The following PAPPA2 variants were observed in gnomAD, a reference collection of about 807,000 sequenced individuals.
The protein encoded by PAPPA2 is pappalysin 2, also known as pappalysin-2.
In PAPPA2, 86 loss-of-function variants were observed where a neutral mutation model predicts 176.4. The ratio of observed to expected loss-of-function variants is 0.49; its 90% confidence interval spans 0.41 to 0.58. The LOEUF (loss-of-function observed/expected upper bound fraction) is 0.58, where lower values mean the gene tolerates loss of function less well. PAPPA2 is among the 20% of genes least tolerant of loss of function. The pLI is 0.00. For missense variants in PAPPA2, 2,073 were observed against 2,256.9 expected, an observed-to-expected ratio of 0.92 and a Z score of 1.65; for synonymous variants, 809 against 852.2, an observed-to-expected ratio of 0.95 and a Z score of 0.88.
intron 21 of PAPPA2, among the ~76,000 whole-genome samples, chr1:176,825,945 G>T (rs1476978514): frequency 1.3e-5 from 2 of 152,156 alleles, no homozygotes; most frequent in African/African-American, 2.4e-5. Context: ...GACAACTGGG[G>T]ATTGTTCAGT....
intron 1 of PAPPA2, among the ~76,000 whole-genome samples, chr1:176,465,671 G>A (rs1181496696): frequency 2.0e-5 from 3 of 147,960 alleles, no homozygotes; most frequent in Non-Finnish European, 4.5e-5. Flanking sequence ...AAGTTCAGGA[G>A]TACATGTGCA....
At chr1:176,720,392 A>T (rs775729133) in intron 12 of PAPPA2, among the ~76,000 whole-genome samples, 1 of 152,160 alleles carries the variant, frequency 6.6e-6, no homozygotes, top group Admixed American at 6.5e-5. Context: ...CATATTATAT[A>T]TATATGTGCA....
chr1:176,563,871 G>C (rs1483787816), intron 2 of PAPPA2, among the ~76,000 whole-genome samples: 1 of 152,176 alleles, frequency 6.6e-6, no homozygotes, highest in Non-Finnish European at 1.5e-5. Flanking sequence ...AGGCAGACCA[G>C]TTCCTGAGAG....
chr1:176,758,287 A>G, intron 14 of PAPPA2, among the ~76,000 whole-genome samples: 1 of 152,236 alleles, frequency 6.6e-6, no homozygotes, highest in East Asian at 1.9e-4. Context: ...TATATTTAAC[A>G]TTTAACCTGG....
At chr1:176,773,221 G>A (rs906447744) in intron 17 of PAPPA2, among the ~76,000 whole-genome samples, 1 of 152,158 alleles carries the variant, frequency 6.6e-6, no homozygotes, top group Non-Finnish European at 1.5e-5. Context: ...TATGTAAGCT[G>A]ATTAAATCTT....
intron 14 of PAPPA2, among the ~76,000 whole-genome samples, chr1:176,750,660 C>A (rs145569085): frequency 1.8e-4 from 27 of 151,946 alleles, no homozygotes; most frequent in African/African-American, 6.5e-4. Flanking sequence ...ACAATTAGCA[C>A]GTATTTGATA....
At chr1:176,810,892 A>G (rs1557886233) in intron 21 of PAPPA2, among the ~76,000 whole-genome samples, 2 of 152,186 alleles carry the variant, frequency 1.3e-5, no homozygotes, top group South Asian at 4.1e-4. Flanking sequence ...GACTTGAAGA[A>G]TACATCAACA....
At chr1:176,611,444 G>A (rs1303899632) in intron 3 of PAPPA2, among the ~76,000 whole-genome samples, 1 of 152,144 alleles carries the variant, frequency 6.6e-6, no homozygotes, top group Non-Finnish European at 1.5e-5. Flanking sequence ...TTAAATGCTT[G>A]TAATTATATG....
rs147057247 is a variant in PAPPA2, at chr1:176,709,217, C to A, written c.3458-766C>A. Among the ~76,000 whole-genome samples the A allele has an allele frequency of 8.1e-3, 1,228 of 152,214 alleles. 10 individuals are homozygous for A. Among genetic ancestry groups the A allele is most frequent in the Non-Finnish European group, 0.014 (945 of 67,998 alleles). On this transcript the variant is annotated intron_variant, in intron 10 of 22. Coordinates refer to ENST00000367662, the MANE Select transcript of PAPPA2 (RefSeq NM_020318.3). ...TTGCTTTTGAAGACAGCCCCTCTGT[C>A]TTAGTTTGAGGCAGTGTTCAGTGAG...
At chr1:176,806,465 A>G (rs1665912908) in intron 21 of PAPPA2, among the ~76,000 whole-genome samples, 1 of 152,212 alleles carries the variant, frequency 6.6e-6, no homozygotes, top group Admixed American at 6.5e-5. Context: ...GCATAGTGGA[A>G]GTAAAGTAGG....
intron 17 of PAPPA2, among the ~76,000 whole-genome samples, chr1:176,778,621 C>T (rs959149462): frequency 6.6e-6 from 1 of 152,110 alleles, no homozygotes; most frequent in Non-Finnish European, 1.5e-5. Context: ...AAGTAATCTA[C>T]CTAATTGTTA....
intron 2 of PAPPA2, among the ~76,000 whole-genome samples, chr1:176,563,737 T>G (rs1651798941): frequency 6.6e-6 from 1 of 152,188 alleles, no homozygotes; most frequent in Non-Finnish European, 1.5e-5. Flanking sequence ...TGGCAGCAGG[T>G]GCAATGTAAG....
intron 21 of PAPPA2, among the ~76,000 whole-genome samples, chr1:176,822,529 A>T (rs1180107145): frequency 1.3e-5 from 2 of 152,182 alleles, no homozygotes; most frequent in Non-Finnish European, 2.9e-5. Flanking sequence ...AGCTATACTC[A>T]CAAGTCTTTT....
Position 176,710,122 on chromosome 1 carries a change from T to C in PAPPA2, c.3597T>C (p.His1199=). 6.2e-7 allele frequency: 1 copy of C among 1,613,866 alleles called. No individual in the cohort carries two copies. Among genetic ancestry groups the C allele is most frequent in the East Asian group, 2.2e-5 (1 of 44,880 alleles). ...DQWATRAYSS[H]EDKKKCPVSL... is the part of the protein sequence containing the mutation. The stretch of plus-strand genomic sequence containing the variant: ...GGGCTACCCGGGCTTACTCCTCTCA[T>C]GAAGACAAGAAGAAGTGTCCTGTTT... The change falls in exon 11 of 23, where the codon CAT becomes CAC. Residue 1199 remains histidine, a synonymous_variant. Coordinates refer to ENST00000367662, the MANE Select transcript of PAPPA2 (RefSeq NM_020318.3).
rs1449319233 is a variant in PAPPA2, at chr1:176,594,973, A to G, written c.1369A>G (p.Thr457Ala). The G allele has an allele frequency of 9.3e-6, 15 of 1,614,206 alleles. No individual in the cohort carries two copies. Among genetic ancestry groups the G allele is most frequent in the Non-Finnish European group, 1.3e-5 (15 of 1,180,048 alleles). Residue 457 changes from threonine to alanine, a missense_variant, in exon 3 of 23, where the codon ACA becomes GCA. Physicochemically the swap from Thr to Ala is moderately conservative, Grantham distance 58. Around this residue, in one of 4 missense-constraint regions of PAPPA2, gnomAD observed 1,196 missense variants for 1,330.4 expected, o/e 0.90. Transcript: ENST00000367662. Reference protein sequence around the residue: ...GEEEATDLVLTASFEPVNTEW... With the variant: ...GEEEATDLVLAASFEPVNTEW... ...GGAGGAAGCGACTGACTTGGTCCTG[A>G]CAGCGAGCTTTGAGCCTGTGAACAC...
intron 1 of PAPPA2, among the ~76,000 whole-genome samples, chr1:176,505,956 A>G (rs1388739919): frequency 6.6e-6 from 1 of 152,130 alleles, no homozygotes; most frequent in South Asian, 2.1e-4. Context: ...GAAGATACTC[A>G]GATTTTAAGC....
intron 3 of PAPPA2, among the ~76,000 whole-genome samples, chr1:176,614,281 G>C (rs1558473083): frequency 6.6e-6 from 1 of 152,188 alleles, no homozygotes; most frequent in Non-Finnish European, 1.5e-5. Flanking sequence ...ATGGAGATCA[G>C]ATTGACCCAT....
intron 21 of PAPPA2, chr1:176,836,858 C>A (rs190238655): frequency 2.0e-5 from 3 of 152,072 alleles, no homozygotes. Context: ...ATGGGCCTCC[C>A]CAAGGGCTGG....
chr1:176,695,966 A>ATGTGTGTGTGTGTGTG, intron 7 of PAPPA2, 107 bp downstream of exon 7: 2 of 864,318 alleles, frequency 2.3e-6, no homozygotes, highest in Non-Finnish European at 1.7e-6. Flanking sequence ...ATGTATGTGT[A>ATGTGTGTGTGTGTGTG]TGTGTGTGTG....
Sources: allele counts gnomAD v4.1 joint callset (sites outside exome capture counted in the v4.1 genomes callset), GRCh38; gene constraint gnomAD v4.1.1; regional missense constraint gnomAD v4.1.1; transcripts MANE v1.5; gene names NCBI Gene and HGNC (gene_info 2026-07-23, HGNC 2026-07-21).